Variants in DPF1 observed in about 807,000 individuals in gnomAD.
DPF1 encodes zinc finger protein neuro-d4.
DPF1 carries 14 observed loss-of-function variants against 58.7 expected under a neutral mutation model. That is an observed-to-expected ratio of 0.24 (90% confidence interval 0.16 to 0.37). DPF1 has a LOEUF of 0.37. DPF1 is among the 10% of genes least tolerant of loss of function. The pLI is 1.00. For synonymous variants in DPF1, 216 were observed against 216.0 expected, an observed-to-expected ratio of 1.00 and a Z score of 0.00; for missense variants, 345 against 529.9, an observed-to-expected ratio of 0.65 and a Z score of 3.43.
In DPF1 at chr19:38,222,939, CG is replaced by C; in HGVS notation, c.30-232del. 1.9e-6 allele frequency: 1 copy of C among 535,594 alleles called. No homozygotes were observed. The highest frequency in any genetic ancestry group is 3.2e-6 in the Non-Finnish European group (1 of 313,060). The allele number at this position is 535,594 out of a possible 1,614,324, so 33.2% of individuals were successfully genotyped here. A position where few individuals can be genotyped will look rare whatever the true frequency, so the allele number is the denominator to read the frequency against. On this transcript the variant is annotated intron_variant, in intron 1 of 11. Transcript: ENST00000355526. The surrounding 1 kb of genome is among the most constrained non-coding windows in gnomAD (Gnocchi z 4.9). ...GGCCCCCAGCTCATGAGTAGAAACA[CG>C]ATACAGAAACAAACAAAAACACACC...
upstream of DPF1, among the ~76,000 whole-genome samples, chr19:38,227,142 G>A (rs1227264916): frequency 2.7e-5 from 4 of 147,442 alleles, no homozygotes; most frequent in African/African-American, 1.0e-4. Context: ...GCCATGGCAT[G>A]AACACAGCTC....
chr19:38,215,202 A>G (rs1457030903), intron 9 of DPF1, among the ~76,000 whole-genome samples: 1 of 150,466 alleles, frequency 6.6e-6, no homozygotes, highest in Non-Finnish European at 1.5e-5. Context: ...TCCCAGATTC[A>G]AGGGGCTGGG....
At chr19:38,213,857 G>T in intron 9 of DPF1, 101 bp from the exon 10 acceptor site, 1 of 988,216 alleles carries the variant, frequency 1.0e-6, no homozygotes. Context: ...CCTGGCTCAT[G>T]ACGCCAGGAT....
rs138969701 is a variant in DPF1 at position 38,217,838 on chromosome 19, G to A, written c.555C>T (p.Thr185=). 2.5e-5 allele frequency: 40 copies of A among 1,613,978 alleles called. No individual in the cohort carries two copies. Among genetic ancestry groups the A allele is most frequent in the African/African-American group, 1.5e-4 (11 of 74,904 alleles). ...GCTTGTCTCGGTCCTCCAGGGAAGCGGTGTCCTGGCGTTTCCGGAGACCCC... is the reference window on the plus strand; with the variant it reads ...GCTTGTCTCGGTCCTCCAGGGAAGCAGTGTCCTGGCGTTTCCGGAGACCCC... ...GIGGLRKRQD[T]ASLEDRDKPY... The change falls in exon 6 of 12, where the codon ACC becomes ACT. Residue 185 remains threonine, a synonymous_variant. Coordinates refer to ENST00000355526, the MANE Select transcript of DPF1 (RefSeq NM_001135155.3).
intron 9 of DPF1, among the ~76,000 whole-genome samples, chr19:38,214,831 CTTT>C (rs36047300): frequency 2.2e-5 from 2 of 89,384 alleles, no homozygotes; most frequent in Admixed American, 1.5e-4. Flanking sequence ...TATGCCCAGC[CTTT>C]TTTTTTTTTT....
At chr19:38,226,533 CA>C (rs1967830801), upstream of DPF1, among the ~76,000 whole-genome samples, 4 of 151,216 alleles carry the variant, frequency 2.6e-5, no homozygotes, top group Admixed American at 1.3e-4. Context: ...CACACACACA[CA>C]CACACTCCTC....
intron 10 of DPF1, 169 bp from the exon 11 acceptor site, chr19:38,212,530 C>T (rs1973528113): frequency 2.0e-6 from 1 of 498,944 alleles, no homozygotes. Flanking sequence ...CACTGCTTAG[C>T]CAAACACATA....
chr19:38,214,987 C>G (rs1194198682), intron 9 of DPF1, among the ~76,000 whole-genome samples: 1 of 150,468 alleles, frequency 6.6e-6, no homozygotes, highest in Non-Finnish European at 1.5e-5. Flanking sequence ...AGGCACGCAC[C>G]ACCACACCCA....
Position 38,224,133 on chromosome 19 carries a change from CA to C in DPF1, c.9del (p.Val4SerfsTer6). On this transcript the variant is annotated frameshift_variant, in exon 1 of 12. Transcript: ENST00000355526. LOFTEE classifies it high-confidence loss of function. This position sits in a 1 kb window ranked among gnomAD's most constrained non-coding sequence, Gnocchi z 4.5. Reference sequence around the variant, plus strand: ...CACCACCTCAGGGGGCCAGGGATGACAGTGGCCATCTTGCTCCCCGGGTCCT... The same window carrying C: ...CACCACCTCAGGGGGCCAGGGATGACGTGGCCATCTTGCTCCCCGGGTCCT... MA[T>X]VIPGPLSLGE... 1 of 1,484,820 alleles carries C rather than the reference CA, an allele frequency of 6.7e-7. No individual in the cohort carries two copies. Among genetic ancestry groups the C allele is most frequent in the East Asian group, 2.7e-5 (1 of 36,728 alleles). 92.0% of individuals were successfully genotyped at this position (1,484,820 alleles called of 1,614,324 possible). A position where few individuals can be genotyped will look rare whatever the true frequency, so the allele number is the denominator to read the frequency against.
intron 7 of DPF1, 132 bp from the exon 8 acceptor site, chr19:38,216,535 C>T: frequency 1.8e-6 from 2 of 1,098,778 alleles, no homozygotes; most frequent in Non-Finnish European, 2.5e-6. Flanking sequence ...CTACCCCAAG[C>T]TGTGGGGAGA....
In DPF1 at chr19:38,224,163, C is replaced by A. The variant is rs1967706590; in HGVS notation, c.-21G>T. The A allele has an allele frequency of 2.8e-6, 4 of 1,448,450 alleles. No individual in the cohort carries two copies. Among genetic ancestry groups the A allele is most frequent in the Non-Finnish European group, 3.6e-6 (4 of 1,103,610 alleles). 89.7% of individuals were successfully genotyped at this position (1,448,450 alleles called of 1,614,324 possible). ...GCCATCTTGCTCCCCGGGTCCTGCC[C>A]CCAGCAGGTCCCCGCCGGGTCGGTC... is the stretch of plus-strand genomic sequence containing the variant. On this transcript the variant is annotated 5_prime_UTR_variant, in exon 1 of 12. Coordinates refer to ENST00000355526, the MANE Select transcript of DPF1 (RefSeq NM_001135155.3). The surrounding 1 kb of genome is among the most constrained non-coding windows in gnomAD (Gnocchi z 4.5).
intron 6 of DPF1, 41 bp downstream of exon 6, chr19:38,217,757 C>G: frequency 6.2e-7 from 1 of 1,611,818 alleles, no homozygotes. Context: ...AGTCTCTGGG[C>G]ACCCCTCTCT....
intron 9 of DPF1, 179 bp from the exon 10 acceptor site, chr19:38,213,935 G>A (rs767382264): frequency 1.2e-5 from 7 of 583,318 alleles, no homozygotes; most frequent in Admixed American, 5.9e-5. Context: ...GCAGTCCCCC[G>A]GCCACCACAG....
chr19:38,220,546 A>G (rs1165833856), intron 3 of DPF1, among the ~76,000 whole-genome samples: 4 of 150,974 alleles, frequency 2.6e-5, no homozygotes, highest in South Asian at 4.2e-4. Context: ...GCGTGAACCC[A>G]GGAGGCGGAG....
At chr19:38,217,246 C>T in intron 7 of DPF1, 4 of 626,404 alleles carry the variant, frequency 6.4e-6, no homozygotes, top group Non-Finnish European at 1.1e-5. Flanking sequence ...ATAAATCAGA[C>T]CCAGAAATAT....
chr19:38,214,983 G>A (rs953045260), intron 9 of DPF1, among the ~76,000 whole-genome samples: 4 of 150,738 alleles, frequency 2.7e-5, no homozygotes, highest in African/African-American at 7.3e-5. Context: ...CTACAGGCAC[G>A]CACCACCACA....
At chr19:38,213,804 G>C in intron 9 of DPF1, 48 bp from the exon 10 acceptor site, 1 of 1,503,448 alleles carries the variant, frequency 6.7e-7, no homozygotes, top group Non-Finnish European at 9.2e-7. Context: ...CCGTGCCCCT[G>C]GTGGGCACTG....
upstream of DPF1, among the ~76,000 whole-genome samples, chr19:38,226,502 C>CCA (rs758283337): frequency 0.012 from 1,359 of 112,356 alleles, 22 homozygotes; most frequent in Middle Eastern, 0.048. Flanking sequence ...ACGGTCACTT[C>CCA]TACACACACA....
intron 9 of DPF1, among the ~76,000 whole-genome samples, chr19:38,214,429 A>G (rs2146126747): frequency 1.3e-5 from 2 of 152,312 alleles, no homozygotes; most frequent in South Asian, 2.1e-4. Flanking sequence ...CTGAGTTGCC[A>G]TGACAACCAT....
Sources: allele counts gnomAD v4.1 joint callset (sites outside exome capture counted in the v4.1 genomes callset), GRCh38; gene constraint gnomAD v4.1.1; non-coding constraint Gnocchi (gnomAD v3.1); transcripts MANE v1.5; gene names NCBI Gene and HGNC (gene_info 2026-07-23, HGNC 2026-07-21).